The following RORA variants were observed in gnomAD, a reference collection of about 807,000 sequenced individuals.
RORA encodes the protein nuclear receptor ROR-alpha.
RORA carries 7 observed loss-of-function variants against 69.5 expected under a neutral mutation model. The ratio of observed to expected loss-of-function variants is 0.10; its 90% CI spans 0.06 to 0.19. The LOEUF is 0.19. Ranked by LOEUF, RORA falls within the 10% of genes least tolerant of loss-of-function variation. RORA has a pLI of 1.00. For missense variants in RORA, 457 were observed against 663.0 expected, an observed-to-expected ratio of 0.69 and a Z score of 3.41; for synonymous variants, 261 against 240.8, an observed-to-expected ratio of 1.08 and a Z score of -0.78.
intron 1 of RORA, among the ~76,000 whole-genome samples, chr15:61,050,575 G>A (rs763378415): frequency 2.6e-5 from 4 of 152,156 alleles, no homozygotes; most frequent in Non-Finnish European, 5.9e-5. Context: ...CAACTGGGGG[G>A]CAAGAGATGT....
Position 60,956,859 on chromosome 15 carries a change from T to C in RORA, c.166+272194A>G, listed in dbSNP as rs145373226. ...TAGAGGAAGCTGTGAGTTAGGGACA[T>C]AGCTCAAGCACTGGAGGTCCTCCGT... On this transcript the variant is annotated intron_variant, in intron 1 of 10. Transcript: ENST00000335670. 2.0e-5 allele frequency among the ~76,000 whole-genome samples: 3 copies of C among 152,358 alleles called. No individual in the cohort carries two copies. In the East Asian group the frequency reaches 5.8e-4, roughly 29 times the overall value.
chr15:60,934,036 C>G (rs1446530660), intron 1 of RORA, among the ~76,000 whole-genome samples: 3 of 152,262 alleles, frequency 2.0e-5, no homozygotes, highest in Non-Finnish European at 4.4e-5. Context: ...ATAGCCCCAG[C>G]TCCAGCTCCA....
chr15:61,088,977 C>G (rs1267166547), intron 1 of RORA, among the ~76,000 whole-genome samples: 1 of 152,122 alleles, frequency 6.6e-6, no homozygotes, highest in Non-Finnish European at 1.5e-5. Context: ...AAACGGTAGC[C>G]TCCTAAACAT....
chr15:61,115,021 AAGAT>A (rs751737662), intron 1 of RORA, among the ~76,000 whole-genome samples: 18 of 152,232 alleles, frequency 1.2e-4, no homozygotes, highest in Non-Finnish European at 2.4e-4. Context: ...ATTTATGTGA[AAGAT>A]AGAGCAGAAC....
chr15:60,671,633 A>G (rs1385598778), intron 2 of RORA, among the ~76,000 whole-genome samples: 1 of 151,496 alleles, frequency 6.6e-6, no homozygotes, highest in Admixed American at 6.6e-5. Context: ...TCTTTTTGAG[A>G]CAGACTCTCA....
intron 1 of RORA, among the ~76,000 whole-genome samples, chr15:61,046,604 C>G (rs1015212783): frequency 6.6e-6 from 1 of 152,148 alleles, no homozygotes; most frequent in Non-Finnish European, 1.5e-5. Flanking sequence ...GGTCCCTATA[C>G]CAAGCAGCAA....
intron 1 of RORA, among the ~76,000 whole-genome samples, chr15:60,885,072 T>A (rs905085474): frequency 4.6e-5 from 7 of 152,238 alleles, no homozygotes; most frequent in African/African-American, 1.7e-4. Context: ...AGATTAAAGA[T>A]GGCTATATAT....
chr15:61,182,842 C>T (rs974423452), intron 1 of RORA: 3 of 152,236 alleles, frequency 2.0e-5, no homozygotes, highest in Admixed American at 1.3e-4. Flanking sequence ...GGTGCTCTTC[C>T]CCTAAATCCA....
intron 1 of RORA, among the ~76,000 whole-genome samples, chr15:60,864,346 C>A (rs1293898413): frequency 6.6e-6 from 1 of 152,124 alleles, no homozygotes; most frequent in Non-Finnish European, 1.5e-5. Flanking sequence ...TTTTAAAACC[C>A]ATTTATTGCC....
chr15:61,169,818 G>A (rs2079570194), intron 1 of RORA, among the ~76,000 whole-genome samples: 1 of 152,010 alleles, frequency 6.6e-6, no homozygotes, highest in African/African-American at 2.4e-5. Flanking sequence ...AGGGCACCTG[G>A]GAAGAAAAAT....
At chr15:60,937,738 G>A (rs1892568500) in intron 1 of RORA, among the ~76,000 whole-genome samples, 1 of 152,100 alleles carries the variant, frequency 6.6e-6, no homozygotes, top group Admixed American at 6.5e-5. Context: ...CAGTTTGTGT[G>A]ACCTTGAGCA....
In RORA at chr15:60,784,755, A is replaced by G. The variant is rs200523255; in HGVS notation, c.167-106069T>C. Among the ~76,000 whole-genome samples the G allele has an allele frequency of 2.6e-5, 4 of 152,278 alleles. No homozygotes were observed. In the East Asian group the frequency reaches 7.7e-4, roughly 29 times the overall value. ...TTGAGCAGTGACTCTCTCTCATACT[A>G]ATTTCTTTTCTTTAAAGTAGAAAAC... On this transcript the variant is annotated intron_variant, in intron 1 of 10. Coordinates refer to ENST00000335670, the MANE Select transcript of RORA (RefSeq NM_134261.3).
chr15:60,861,990 G>A (rs1047088086), intron 1 of RORA, among the ~76,000 whole-genome samples: 1 of 152,210 alleles, frequency 6.6e-6, no homozygotes, highest in Non-Finnish European at 1.5e-5. Flanking sequence ...AATAATTCAC[G>A]AAGGTGATCA....
chr15:61,083,031 T>C (rs1184552019), intron 1 of RORA, among the ~76,000 whole-genome samples: 2 of 152,172 alleles, frequency 1.3e-5, no homozygotes, highest in Non-Finnish European at 1.5e-5. Flanking sequence ...AACCTTCCTT[T>C]TCGCCTTTCC....
At chr15:60,723,376 T>TC (rs2071316974) in intron 1 of RORA, among the ~76,000 whole-genome samples, 4 of 141,644 alleles carry the variant, frequency 2.8e-5, no homozygotes, top group South Asian at 2.3e-4. Context: ...ATCAAAACCA[T>TC]TCCCCCCCCC....
intron 1 of RORA, among the ~76,000 whole-genome samples, chr15:60,914,392 GC>G (rs1166017812): frequency 1.3e-5 from 2 of 152,082 alleles, no homozygotes; most frequent in African/African-American, 4.8e-5. Flanking sequence ...TGAGAACCAG[GC>G]AGCCACTCCT....
At chr15:60,920,477 T>G (rs1892008538) in intron 1 of RORA, among the ~76,000 whole-genome samples, 1 of 152,182 alleles carries the variant, frequency 6.6e-6, no homozygotes, top group Admixed American at 6.5e-5. Flanking sequence ...CCTGGAACTG[T>G]CAGTAGGCCA....
intron 1 of RORA, among the ~76,000 whole-genome samples, chr15:60,733,964 G>GAGAGAGAGAGA (rs2071465993): frequency 6.7e-6 from 1 of 148,242 alleles, no homozygotes; most frequent in African/African-American, 2.5e-5. Flanking sequence ...GAAAGAGAAA[G>GAGAGAGAGAGA]GAATGAGATG....
At chr15:61,038,319 A>G (rs1265034301) in intron 1 of RORA, among the ~76,000 whole-genome samples, 2 of 152,048 alleles carry the variant, frequency 1.3e-5, no homozygotes, top group African/African-American at 4.8e-5. Flanking sequence ...CTACTTGACT[A>G]TAATCATTAA....
Sources: gnomAD v4.1 joint callset for allele counts (sites outside exome capture counted in the v4.1 genomes callset) on GRCh38, gnomAD v4.1.1 for gene constraint, MANE v1.5 for transcripts, NCBI Gene and HGNC (gene_info 2026-07-23, HGNC 2026-07-21) for gene names.